NIPBL: variants seen among roughly 807,000 people sequenced by gnomAD.
NIPBL encodes the protein nipped-B-like protein.
A neutral mutation model predicts 321.8 loss-of-function variants in NIPBL; 19 were observed. The observed-to-expected ratio is 0.06, with a 90% CI of 0.04 to 0.09. The LOEUF is 0.09. Ranked by LOEUF, NIPBL falls within the 10% of genes least tolerant of loss-of-function variation. NIPBL has a pLI of 1.00. For missense variants in NIPBL, 2,210 were observed against 3,327.0 expected (o/e 0.66, Z 8.26); for synonymous variants, 1,106 against 1,114.1 (o/e 0.99, Z 0.14).
intron 8 of NIPBL, 115 bp downstream of exon 8, chr5:36,972,156 G>GA (rs1397197500): frequency 1.9e-3 from 1,276 of 678,916 alleles, no homozygotes; most frequent in Non-Finnish European, 2.1e-3. Flanking sequence ...TTTCATTGTA[G>GA]AAAAAAAAAT....
chr5:37,013,884 C>T (rs765233083), intron 21 of NIPBL, among the ~76,000 whole-genome samples: 2 of 151,922 alleles, frequency 1.3e-5, no homozygotes, highest in African/African-American at 4.8e-5. Flanking sequence ...TGTAGCCAGC[C>T]GAGATCACGC....
rs746056693 is a variant in NIPBL at position 37,020,419 on chromosome 5, C to T, written c.5011-40C>T. The T allele has an allele frequency of 2.4e-5, 33 of 1,356,622 alleles. No homozygotes were observed. In the South Asian group the frequency reaches 3.6e-4, roughly 15 times the overall value. 84.0% of individuals were successfully genotyped at this position (1,356,622 alleles called of 1,614,324 possible). Reference sequence around the variant, plus strand: ...CTTTATTAACTTGGAAATCTTGTTGCTAATTTCATCAAGCTCAAGTCTGTC... The same window carrying T: ...CTTTATTAACTTGGAAATCTTGTTGTTAATTTCATCAAGCTCAAGTCTGTC... On this transcript the variant is annotated intron_variant, in intron 25 of 46. Transcript: ENST00000282516.
chr5:36,923,174 C>T (rs776225864), intron 1 of NIPBL, among the ~76,000 whole-genome samples: 4 of 151,884 alleles, frequency 2.6e-5, no homozygotes, highest in South Asian at 2.1e-4. Flanking sequence ...GGTGTGGTGG[C>T]GTGCACCTGT....
At chr5:37,014,451 T>C (rs934872315) in intron 21 of NIPBL, among the ~76,000 whole-genome samples, 2 of 152,210 alleles carry the variant, frequency 1.3e-5, no homozygotes, top group African/African-American at 2.4e-5. Flanking sequence ...TAACCACATA[T>C]GTTACTCTTA....
chr5:36,885,992 C>T (rs1172848807), intron 1 of NIPBL: 2 of 726,482 alleles, frequency 2.8e-6, no homozygotes, highest in Non-Finnish European at 5.1e-6. Flanking sequence ...TCAGAAGAAC[C>T]AAGAGGAGCT....
At chr5:37,060,694 G>T in intron 44 of NIPBL, 150 bp from the exon 45 acceptor site, 1 of 690,794 alleles carries the variant, frequency 1.4e-6, no homozygotes, top group South Asian at 2.0e-5. Flanking sequence ...TTAAGTAATT[G>T]TATTGAAGCT....
intron 1 of NIPBL, among the ~76,000 whole-genome samples, chr5:36,937,558 A>G (rs1232994082): frequency 6.6e-6 from 1 of 151,932 alleles, no homozygotes; most frequent in Admixed American, 6.6e-5. Flanking sequence ...TTTTTTCCCA[A>G]GAAAAGAGAA....
At chr5:36,945,915 C>T (rs1739615204) in intron 1 of NIPBL, among the ~76,000 whole-genome samples, 1 of 152,052 alleles carries the variant, frequency 6.6e-6, no homozygotes, top group African/African-American at 2.4e-5. Flanking sequence ...TAGGGACTCA[C>T]TGACCTATTT....
chr5:37,010,247 T>C, intron 21 of NIPBL, 22 bp downstream of exon 21: 1 of 1,545,878 alleles, frequency 6.5e-7, no homozygotes, highest in Non-Finnish European at 8.9e-7. Context: ...ATTAAAGGTT[T>C]TACAACTGTA....
rs201482152 is a variant in NIPBL, at chr5:36,985,245, A to T, written c.2065A>T (p.Asn689Tyr). 3.8e-5 allele frequency: 62 copies of T among 1,613,672 alleles called. No homozygotes were observed. The highest frequency in any genetic ancestry group is 4.8e-5 in the Non-Finnish European group (57 of 1,179,952). ...SDTKPNDNKQ[N>Y]NGRSETTKSR... is the part of the protein sequence containing the mutation. ...CACAAAACCAAATGACAACAAACAA[A>T]ATAATGGCAGATCAGAAACAACAAA... The change falls in exon 10 of 47, where the codon AAT becomes TAT. Residue 689 changes from asparagine to tyrosine, a missense_variant. This residue lies in a region of NIPBL where 588 missense variants were observed against 564.1 expected (regional missense o/e 1.04). Transcript: ENST00000282516.
chr5:36,936,002 C>T (rs971088796), intron 1 of NIPBL, among the ~76,000 whole-genome samples: 7 of 152,096 alleles, frequency 4.6e-5, no homozygotes, highest in African/African-American at 7.2e-5. Flanking sequence ...TTGGCAAAGA[C>T]GCTTTTTCCA....
intron 1 of NIPBL, among the ~76,000 whole-genome samples, chr5:36,953,400 C>T (rs1740618492): frequency 6.6e-6 from 1 of 152,134 alleles, no homozygotes; most frequent in Non-Finnish European, 1.5e-5. Flanking sequence ...ATGCAAAAAA[C>T]AATAGTAGCT....
chr5:36,962,572 CCTT>C (rs1395579321), intron 6 of NIPBL, among the ~76,000 whole-genome samples: 1 of 152,040 alleles, frequency 6.6e-6, no homozygotes, highest in Non-Finnish European at 1.5e-5. Context: ...AAAAATTGCT[CCTT>C]CTTCTTACAT....
At position 36,876,782 on chromosome 5, in the gene NIPBL, A is replaced by T; in HGVS notation, c.-476A>T. 1 of 397,004 alleles carries T rather than the reference A, an allele frequency of 2.5e-6. No homozygotes were observed. Among genetic ancestry groups the T allele is most frequent in the South Asian group, 1.3e-4 (1 of 7,842 alleles). 24.6% of individuals were successfully genotyped at this position (397,004 alleles called of 1,614,324 possible). On this transcript the variant is annotated 5_prime_UTR_variant, in exon 1 of 47. Transcript: ENST00000282516. The stretch of plus-strand genomic sequence containing the variant: ...CTTCCGGTCGGCATTTTGTTCTGAG[A>T]GGGAGAGACGGAACGAGAGAGAGAC...
intron 1 of NIPBL, chr5:36,885,371 G>A (rs142373287): frequency 6.6e-5 from 30 of 456,842 alleles, no homozygotes; most frequent in Admixed American, 5.4e-4. Context: ...CAGCTTCCGC[G>A]GCGGCTTGGG....
At chr5:36,879,878 A>G (rs2149513530) in intron 1 of NIPBL, among the ~76,000 whole-genome samples, 1 of 152,234 alleles carries the variant, frequency 6.6e-6, no homozygotes, top group Middle Eastern at 3.4e-3. Context: ...GATAATTTTC[A>G]ATGTTTGAGA....
At chr5:36,999,533 TG>T (rs1022369972) in intron 11 of NIPBL, among the ~76,000 whole-genome samples, 4 of 152,186 alleles carry the variant, frequency 2.6e-5, no homozygotes, top group African/African-American at 9.7e-5. Flanking sequence ...TCTCAGGGCT[TG>T]GGGTTATTTT....
At chr5:36,934,000 G>A (rs930433915) in intron 1 of NIPBL, among the ~76,000 whole-genome samples, 7 of 152,090 alleles carry the variant, frequency 4.6e-5, no homozygotes, top group Admixed American at 3.3e-4. Context: ...CAAATGTGAC[G>A]TGGCTAATGT....
chr5:36,988,856 A>G (rs1411652411), intron 10 of NIPBL, among the ~76,000 whole-genome samples: 1 of 152,136 alleles, frequency 6.6e-6, no homozygotes, highest in Non-Finnish European at 1.5e-5. Flanking sequence ...TTAAGCTGAT[A>G]AATTTTGATT....
Sources: allele counts gnomAD v4.1 joint callset (sites outside exome capture counted in the v4.1 genomes callset), GRCh38; gene constraint gnomAD v4.1.1; regional missense constraint gnomAD v4.1.1; transcripts MANE v1.5; gene names NCBI Gene and HGNC (gene_info 2026-07-23, HGNC 2026-07-21).